The following MGLL variants were observed in gnomAD, a reference collection of about 807,000 sequenced individuals.
MGLL encodes the protein lysophospholipase homolog.
A neutral mutation model predicts 29.1 loss-of-function variants in MGLL; 7 were observed. The ratio of observed to expected loss-of-function variants is 0.24; its 90% CI spans 0.14 to 0.45. The LOEUF (loss-of-function observed/expected upper bound fraction) is 0.45. Ranked by LOEUF, MGLL falls within the 20% of genes least tolerant of loss-of-function variation. The pLI is 0.99. For synonymous variants in MGLL, 148 were observed against 168.3 expected (o/e 0.88, Z 0.93); for missense variants, 356 against 413.6 (o/e 0.86, Z 1.21).
At chr3:127,755,424 T>C (rs16830415) in intron 3 of MGLL, among the ~76,000 whole-genome samples, 9,993 of 152,266 alleles carry the variant, frequency 0.066, 638 homozygotes, top group East Asian at 0.15. Context: ...TCCATCGCTG[T>C]AGGCCCCCAA....
chr3:127,746,536 G>A (rs1384344404), intron 3 of MGLL, among the ~76,000 whole-genome samples: 1 of 152,112 alleles, frequency 6.6e-6, no homozygotes, highest in East Asian at 1.9e-4. Flanking sequence ...GCTGGTTTCT[G>A]TTTCATTTGG....
intron 2 of MGLL, among the ~76,000 whole-genome samples, chr3:127,790,331 C>G (rs2077279171): frequency 6.6e-6 from 1 of 152,194 alleles, no homozygotes; most frequent in African/African-American, 2.4e-5. Context: ...CAGGTGTGAT[C>G]TCAGCATTAC....
At chr3:127,720,965 G>A (rs1460421816) in intron 5 of MGLL, 88 bp downstream of exon 5, 6 of 1,147,754 alleles carry the variant, frequency 5.2e-6, no homozygotes, top group Non-Finnish European at 7.9e-6. Flanking sequence ...GATGGCCTTT[G>A]GTCTTTTTAC....
chr3:127,772,272 G>A (rs1403126592), intron 3 of MGLL, among the ~76,000 whole-genome samples: 12 of 152,246 alleles, frequency 7.9e-5, no homozygotes, highest in East Asian at 5.8e-4. Flanking sequence ...CCAGAGCCCC[G>A]CTCCCCCAAC....
At chr3:127,760,564 G>A (rs930279969) in intron 3 of MGLL, among the ~76,000 whole-genome samples, 14 of 152,328 alleles carry the variant, frequency 9.2e-5, no homozygotes, top group Admixed American at 2.6e-4. Flanking sequence ...GAGCTGGCAC[G>A]GCACCCCTGA....
At chr3:127,796,688 G>A (rs919335841) in intron 2 of MGLL, among the ~76,000 whole-genome samples, 6 of 152,150 alleles carry the variant, frequency 3.9e-5, no homozygotes, top group East Asian at 1.9e-4. Flanking sequence ...TGAGTGTCAC[G>A]CAATGTTTAG....
Position 127,692,191 on chromosome 3 carries a change from A to C in MGLL, c.*7T>G. ...CCAGACCATGAGCCGGGCACCGGCC[A>C]ATGCATTCAGGGTGGGGACGCAGTT... On this transcript the variant is annotated 3_prime_UTR_variant, in exon 8 of 8. Coordinates refer to ENST00000265052, the MANE Select transcript of MGLL (RefSeq NM_007283.7). 6.3e-7 allele frequency: 1 copy of C among 1,579,862 alleles called. No homozygotes were observed. The highest frequency in any genetic ancestry group is 8.6e-7 in the Non-Finnish European group (1 of 1,164,026).
chr3:127,790,894 CGAGTTCCCCCGTGGGCTG>C (rs2077288547), intron 2 of MGLL, among the ~76,000 whole-genome samples: 1 of 152,150 alleles, frequency 6.6e-6, no homozygotes, highest in Non-Finnish European at 1.5e-5. Context: ...ACAGATCCCA[CGAGTTCCCCCGTGGGCTG>C]GTGTGTGAAC....
At chr3:127,760,599 C>T (rs2076746700) in intron 3 of MGLL, among the ~76,000 whole-genome samples, 1 of 152,232 alleles carries the variant, frequency 6.6e-6, no homozygotes, top group South Asian at 2.1e-4. Flanking sequence ...CAAGCTATTC[C>T]TGGAGCCGCT....
chr3:127,719,659 T>C (rs1395455279), intron 5 of MGLL, among the ~76,000 whole-genome samples: 2 of 152,134 alleles, frequency 1.3e-5, no homozygotes, highest in African/African-American at 4.8e-5. Context: ...TCACGGGAGA[T>C]GTTGAGTAGG....
chr3:127,701,171 C>T (rs1447038988), intron 6 of MGLL, among the ~76,000 whole-genome samples: 5 of 141,284 alleles, frequency 3.5e-5, no homozygotes, highest in East Asian at 2.2e-4. Context: ...GCTGAGATCA[C>T]GCCACTGCAC....
At chr3:127,805,690 C>T (rs2077553358) in intron 2 of MGLL, among the ~76,000 whole-genome samples, 1 of 152,214 alleles carries the variant, frequency 6.6e-6, no homozygotes, top group Non-Finnish European at 1.5e-5. Flanking sequence ...TTCAATGGTG[C>T]TTTTAAAGCA....
chr3:127,814,313 G>A (rs558350548), intron 2 of MGLL, among the ~76,000 whole-genome samples: 13 of 152,162 alleles, frequency 8.5e-5, no homozygotes, highest in African/African-American at 2.2e-4. Context: ...CGTTTCACTC[G>A]CTGACCACCG....
chr3:127,821,960 G>T, intron 1 of MGLL, 122 bp from the exon 2 acceptor site: 1 of 1,058,978 alleles, frequency 9.4e-7, no homozygotes, highest in Non-Finnish European at 1.4e-6. Context: ...AAACCCCTCT[G>T]TTTCAAAGGT....
intron 5 of MGLL, among the ~76,000 whole-genome samples, chr3:127,719,467 C>T (rs2107619709): frequency 6.6e-6 from 1 of 152,378 alleles, no homozygotes; most frequent in South Asian, 2.1e-4. Context: ...GAAAGTGCTG[C>T]TACAACCTGC....
chr3:127,793,353 T>C (rs980874479), intron 2 of MGLL, among the ~76,000 whole-genome samples: 2 of 152,168 alleles, frequency 1.3e-5, no homozygotes, highest in African/African-American at 4.8e-5. Flanking sequence ...GGGAAAACAT[T>C]AGAAAAATAG....
chr3:127,753,716 AG>A (rs200445716), intron 3 of MGLL, among the ~76,000 whole-genome samples: 2 of 152,212 alleles, frequency 1.3e-5, no homozygotes, highest in African/African-American at 2.4e-5. Context: ...TATAGTCTAC[AG>A]GGGGCAAGAA....
chr3:127,734,189 CA>C (rs1353519622), intron 3 of MGLL, among the ~76,000 whole-genome samples: 2 of 152,224 alleles, frequency 1.3e-5, no homozygotes, highest in African/African-American at 2.4e-5. Context: ...GACCGGGTCT[CA>C]CTTTCATAAC....
intron 3 of MGLL, among the ~76,000 whole-genome samples, chr3:127,777,748 C>A (rs1559963674): frequency 7.1e-6 from 1 of 140,926 alleles, no homozygotes; most frequent in Non-Finnish European, 1.6e-5. Flanking sequence ...TTTGCTAACA[C>A]ATGCGCAATG....
Sources: gnomAD v4.1 joint callset for allele counts (sites outside exome capture counted in the v4.1 genomes callset) on GRCh38, gnomAD v4.1.1 for gene constraint, MANE v1.5 for transcripts, NCBI Gene and HGNC (gene_info 2026-07-23, HGNC 2026-07-21) for gene names.